ZDHHC17: variants seen among roughly 807,000 people sequenced by gnomAD.
The protein encoded by ZDHHC17 is palmitoyltransferase ZDHHC17.
A neutral mutation model predicts 90.3 loss-of-function variants in ZDHHC17; 40 were observed. The observed-to-expected ratio is 0.44, with a 90% CI of 0.34 to 0.58. The LOEUF (loss-of-function observed/expected upper bound fraction) is 0.58, where lower values mean the gene tolerates loss of function less well. Among genes scored for constraint, ZDHHC17 ranks in the 20% least tolerant of loss-of-function variants. The pLI, the probability that ZDHHC17 is intolerant of heterozygous loss-of-function variation, is 0.01. For missense variants in ZDHHC17, 614 were observed against 780.8 expected (o/e 0.79, Z 2.55); for synonymous variants, 235 against 252.4 (o/e 0.93, Z 0.65).
intron 10 of ZDHHC17, among the ~76,000 whole-genome samples, chr12:76,840,635 C>T (rs1030909453): frequency 6.6e-6 from 1 of 152,158 alleles, no homozygotes; most frequent in African/African-American, 2.4e-5. Flanking sequence ...GCCACTGCGT[C>T]CAGCCTATTT....
At chr12:76,784,909 C>T (rs1952668060) in intron 1 of ZDHHC17, among the ~76,000 whole-genome samples, 1 of 152,200 alleles carries the variant, frequency 6.6e-6, no homozygotes, top group African/African-American at 2.4e-5. Flanking sequence ...ATGCTTAAGG[C>T]ATTTTGCTCG....
At chr12:76,768,428 C>T (rs965019157) in intron 1 of ZDHHC17, among the ~76,000 whole-genome samples, 1 of 152,200 alleles carries the variant, frequency 6.6e-6, no homozygotes, top group African/African-American at 2.4e-5. Context: ...ACTTGAGCAT[C>T]TGTCTACTAG....
At chr12:76,787,777 A>G (rs1315504746) in intron 1 of ZDHHC17, among the ~76,000 whole-genome samples, 1 of 152,246 alleles carries the variant, frequency 6.6e-6, no homozygotes, top group African/African-American at 2.4e-5. Flanking sequence ...TAGTAAAACC[A>G]TATACTAGTT....
At chr12:76,830,405 T>G (rs1315216650) in intron 10 of ZDHHC17, among the ~76,000 whole-genome samples, 1 of 152,218 alleles carries the variant, frequency 6.6e-6, no homozygotes, top group Admixed American at 6.5e-5. Flanking sequence ...ATATTTTTAC[T>G]GCATTATGTA....
intron 11 of ZDHHC17, among the ~76,000 whole-genome samples, 187 bp downstream of exon 11, chr12:76,842,293 C>A (rs1407632144): frequency 6.6e-6 from 1 of 152,170 alleles, no homozygotes; most frequent in African/African-American, 2.4e-5. Flanking sequence ...CATAACACTT[C>A]CATGACATTT....
At chr12:76,799,763 G>A (rs879460805) in intron 2 of ZDHHC17, among the ~76,000 whole-genome samples, 2 of 152,130 alleles carry the variant, frequency 1.3e-5, no homozygotes, top group Non-Finnish European at 2.9e-5. Flanking sequence ...TTCTTTTGTA[G>A]GTTTGTTTGT....
intron 5 of ZDHHC17, among the ~76,000 whole-genome samples, chr12:76,812,183 C>T (rs546692922): frequency 3.3e-5 from 5 of 152,244 alleles, no homozygotes; most frequent in African/African-American, 9.6e-5. Flanking sequence ...GACACTCTTC[C>T]AATGTGCATT....
rs1428491862 is a variant in ZDHHC17, at chr12:76,804,663, G to T, written c.198-654G>T. On this transcript the variant is annotated intron_variant, in intron 2 of 16. Transcript: ENST00000426126. Reference sequence around the variant, plus strand: ...AGCGTGGAAAAGGACGGGGTAAGGGGGATAATAAAACTTAGGCGGCGTCTG... The same window carrying T: ...AGCGTGGAAAAGGACGGGGTAAGGGTGATAATAAAACTTAGGCGGCGTCTG... 3.9e-5 allele frequency among the ~76,000 whole-genome samples: 6 copies of T among 152,150 alleles called. No homozygotes were observed. In the East Asian group the frequency reaches 9.6e-4, roughly 24 times the overall value.
chr12:76,816,111 G>A, intron 7 of ZDHHC17, 92 bp downstream of exon 7: 1 of 1,072,456 alleles, frequency 9.3e-7, no homozygotes, highest in Non-Finnish European at 1.2e-6. Flanking sequence ...TGTCAGAGTT[G>A]AAAGAAACTT....
At chr12:76,805,205 C>T (rs1952941238) in intron 2 of ZDHHC17, 112 bp from the exon 3 acceptor site, 2 of 1,028,346 alleles carry the variant, frequency 1.9e-6, no homozygotes, top group East Asian at 2.8e-5. Flanking sequence ...TTGAGAAATA[C>T]ATTTTAATTT....
At chr12:76,785,956 A>G (rs1416411231) in intron 1 of ZDHHC17, among the ~76,000 whole-genome samples, 1 of 152,160 alleles carries the variant, frequency 6.6e-6, no homozygotes, top group African/African-American at 2.4e-5. Flanking sequence ...TAAGTAAGGG[A>G]GTGATAGGGA....
intron 1 of ZDHHC17, among the ~76,000 whole-genome samples, chr12:76,768,093 C>T (rs1952451816): frequency 6.6e-6 from 1 of 152,186 alleles, no homozygotes; most frequent in South Asian, 2.1e-4. Flanking sequence ...GACCTAGGCA[C>T]ATAGGCTGCC....
At chr12:76,797,602 A>T in intron 2 of ZDHHC17, 65 bp downstream of exon 2, 2 of 1,263,936 alleles carry the variant, frequency 1.6e-6, no homozygotes, top group Non-Finnish European at 2.2e-6. Context: ...GAATCTGAAT[A>T]ACAGTCATAT....
At position 76,764,159 on chromosome 12, in the gene ZDHHC17, C is replaced by G; in HGVS notation, c.-78C>G. ...AAGGAGGAGGAGGCCCGCGTCGCCT[C>G]CGGCGGGGCTCGCGCTCGCCCCGCG... On this transcript the variant is annotated 5_prime_UTR_variant, in exon 1 of 17. Transcript: ENST00000426126. 1 of 1,167,032 alleles carries G rather than the reference C, an allele frequency of 8.6e-7. No individual in the cohort carries two copies. The highest frequency in any genetic ancestry group is 1.6e-5 in the South Asian group (1 of 63,104). The allele number at this position is 1,167,032 out of a possible 1,614,324, so 72.3% of individuals were successfully genotyped here.
At chr12:76,815,508 G>A (rs1182442501) in intron 6 of ZDHHC17, among the ~76,000 whole-genome samples, 1 of 151,644 alleles carries the variant, frequency 6.6e-6, no homozygotes, top group African/African-American at 2.4e-5. Flanking sequence ...TTATTAATTA[G>A]TAAGTTGTCT....
intron 1 of ZDHHC17, among the ~76,000 whole-genome samples, chr12:76,786,523 TG>T (rs1275368607): frequency 1.3e-5 from 2 of 152,182 alleles, no homozygotes; most frequent in Non-Finnish European, 2.9e-5. Context: ...CCCAAAGTGC[TG>T]GGATTACAGG....
chr12:76,789,509 A>G (rs1165777260), intron 1 of ZDHHC17, among the ~76,000 whole-genome samples: 1 of 152,218 alleles, frequency 6.6e-6, no homozygotes, highest in East Asian at 1.9e-4. Flanking sequence ...ATATATTGGT[A>G]TATGCAGTGG....
At position 76,764,720 on chromosome 12, in the gene ZDHHC17, T is replaced by G. The variant is rs760610170; in HGVS notation, c.93+391T>G. The G allele has an allele frequency of 2.7e-5, 13 of 476,228 alleles. No homozygotes were observed. In the Admixed American group the frequency reaches 3.0e-4, roughly 11 times the overall value. The allele number at this position is 476,228 out of a possible 1,614,324, so 29.5% of individuals were successfully genotyped here. A position where few individuals can be genotyped will look rare whatever the true frequency, so the allele number is the denominator to read the frequency against. ...TGGAAGCGCGTCTGGTTTTGATTTC[T>G]TTTTCCTTCGCCAGGGTGAATGACG... On this transcript the variant is annotated intron_variant, in intron 1 of 16. Transcript: ENST00000426126.
intron 3 of ZDHHC17, among the ~76,000 whole-genome samples, chr12:76,806,365 G>C (rs1179510542): frequency 2.0e-5 from 3 of 152,040 alleles, no homozygotes; most frequent in Non-Finnish European, 4.4e-5. Context: ...CGCAACCTCT[G>C]CCTCCTGGGT....
Sources: gnomAD v4.1 joint callset for allele counts (sites outside exome capture counted in the v4.1 genomes callset) on GRCh38, gnomAD v4.1.1 for gene constraint, MANE v1.5 for transcripts, NCBI Gene and HGNC (gene_info 2026-07-23, HGNC 2026-07-21) for gene names.